MICAL3: variants seen among roughly 807,000 people sequenced by gnomAD.
MICAL3 encodes [F-actin]-monooxygenase MICAL3.
Under a neutral mutation model 207.4 loss-of-function variants are expected in MICAL3, and 62 were observed. That is an observed-to-expected ratio of 0.30 (90% CI 0.24 to 0.37). The LOEUF (loss-of-function observed/expected upper bound fraction) is 0.37, where lower values mean the gene tolerates loss of function less well. Ranked by LOEUF, MICAL3 falls within the 10% of genes least tolerant of loss-of-function variation. The pLI, the probability that MICAL3 is intolerant of heterozygous loss-of-function variation, is 1.00. For missense variants in MICAL3, 2,368 were observed against 2,635.6 expected, an observed-to-expected ratio of 0.90 and a Z score of 2.22; for synonymous variants, 1,077 against 1,069.3, an observed-to-expected ratio of 1.01 and a Z score of -0.14.
intron 1 of MICAL3, among the ~76,000 whole-genome samples, chr22:17,989,806 C>T (rs559586162): frequency 2.4e-4 from 37 of 152,316 alleles, no homozygotes; most frequent in African/African-American, 8.7e-4. Context: ...GGGCTGACAA[C>T]GCATATAAAG....
In MICAL3 at chr22:18,007,848, G is replaced by C. The variant is rs536768822; in HGVS notation, c.-75+16433C>G. 6.9e-5 allele frequency among the ~76,000 whole-genome samples: 10 copies of C among 145,752 alleles called. No individual in the cohort carries two copies. In the South Asian group the frequency reaches 2.0e-3, roughly 29 times the overall value. On this transcript the variant is annotated intron_variant, in intron 1 of 31. Coordinates refer to ENST00000441493, the MANE Select transcript of MICAL3 (RefSeq NM_015241.3). ...TGAGGCAGGAGAATGGCGTGAACCC[G>C]GGGGGTGGAGCTTGCAGTGAGCCGA...
intron 20 of MICAL3, among the ~76,000 whole-genome samples, chr22:17,833,425 C>A (rs182969631): frequency 1.3e-5 from 2 of 152,346 alleles, no homozygotes; most frequent in Admixed American, 1.3e-4. Flanking sequence ...TGACCTCCTG[C>A]GAGGGTGTGT....
chr22:17,980,796 G>A (rs1935872632), intron 1 of MICAL3: 5 of 482,978 alleles, frequency 1.0e-5, no homozygotes, highest in East Asian at 1.2e-4. Flanking sequence ...CCAGCTGCCC[G>A]TCTGCTCCTC....
intron 1 of MICAL3, among the ~76,000 whole-genome samples, chr22:17,987,799 G>A (rs1484057658): frequency 2.1e-5 from 3 of 140,758 alleles, no homozygotes; most frequent in Non-Finnish European, 3.2e-5. Context: ...TTTCAAATTG[G>A]TCTGAAAAAA....
intron 19 of MICAL3, chr22:17,862,215 C>CA: frequency 2.0e-6 from 2 of 985,234 alleles, no homozygotes; most frequent in Non-Finnish European, 2.4e-6. Context: ...CTGTTCTCTA[C>CA]AACATACATT....
chr22:17,897,814 TAGTA>T (rs1228767817), intron 7 of MICAL3, among the ~76,000 whole-genome samples: 8 of 152,138 alleles, frequency 5.3e-5, no homozygotes, highest in Non-Finnish European at 8.8e-5. Context: ...GTTTTCAAAA[TAGTA>T]AGTAAGACTT....
chr22:17,872,614 A>C, intron 16 of MICAL3: 2 of 646,474 alleles, frequency 3.1e-6, no homozygotes, highest in Non-Finnish European at 5.6e-6. Context: ...TGGTTATCAA[A>C]ACCCAGACAA....
rs111787050 is a variant in MICAL3, at chr22:17,922,214, G to A, written c.-74-15328C>T. ...GAATTAAGTCCAGGTCTGCCTACCC[G>A]TTTGTGTTTGGGTCTGGCTAGGTAG... On this transcript the variant is annotated intron_variant, in intron 1 of 31. Coordinates refer to ENST00000441493, the MANE Select transcript of MICAL3 (RefSeq NM_015241.3). 4.4e-4 allele frequency among the ~76,000 whole-genome samples: 67 copies of A among 150,808 alleles called. 1 individual carries two copies. Among genetic ancestry groups the A allele is most frequent in the African/African-American group, 1.6e-3 (67 of 41,106 alleles).
At chr22:18,000,709 C>T (rs1326738990) in intron 1 of MICAL3, among the ~76,000 whole-genome samples, 2 of 152,242 alleles carry the variant, frequency 1.3e-5, no homozygotes, top group African/African-American at 2.4e-5. Flanking sequence ...AGGGGCATCA[C>T]TGAGACTAGA....
In MICAL3 at chr22:17,888,609, G is replaced by GT. The variant is rs754258403; in HGVS notation, c.1891+424dup. ...ATGGGAACTGAGAAAAGAGTAGGAG[G>GT]TGGGAATCCTCCTCACTGGGGAACA... On this transcript the variant is annotated intron_variant, in intron 13 of 31. Coordinates refer to ENST00000441493, the MANE Select transcript of MICAL3 (RefSeq NM_015241.3). 7.5e-4 allele frequency among the ~76,000 whole-genome samples: 114 copies of GT among 152,284 alleles called. 1 individual carries two copies. The highest frequency in any genetic ancestry group is 1.8e-3 in the Admixed American group (27 of 15,296).
intron 1 of MICAL3, among the ~76,000 whole-genome samples, chr22:17,932,341 G>T (rs1439201151): frequency 6.6e-6 from 1 of 152,172 alleles, no homozygotes; most frequent in Non-Finnish European, 1.5e-5. Context: ...TTAAAGAAAA[G>T]AATTTTCAAC....
At chr22:17,908,141 T>C (rs546339399) in intron 1 of MICAL3, among the ~76,000 whole-genome samples, 1 of 151,840 alleles carries the variant, frequency 6.6e-6, no homozygotes, top group Non-Finnish European at 1.5e-5. Flanking sequence ...AACTAGTGAG[T>C]AGAGAGTGGG....
intron 3 of MICAL3, among the ~76,000 whole-genome samples, chr22:17,903,167 C>T (rs12484375): frequency 0.15 from 22,812 of 152,206 alleles, 2,113 homozygotes; most frequent in East Asian, 0.29. Context: ...ATGACCTCCC[C>T]GCCCACAGGC....
chr22:17,815,448 C>G (rs1193663694), intron 27 of MICAL3: 1 of 152,322 alleles, frequency 6.6e-6, no homozygotes, highest in Admixed American at 6.5e-5. Flanking sequence ...CCCCCTAAAG[C>G]AGCACCCATC....
chr22:17,950,337 G>GTTTTTTTTTTTTTT (rs764642603), intron 1 of MICAL3, among the ~76,000 whole-genome samples: 4 of 89,326 alleles, frequency 4.5e-5, no homozygotes, highest in Non-Finnish European at 9.2e-5. Flanking sequence ...TTTTGTTTTT[G>GTTTTTTTTTTTTTT]TTTTTTTTTT....
In MICAL3 at chr22:17,982,350, C is replaced by T. The variant is rs146624325; in HGVS notation, c.-75+41931G>A. On this transcript the variant is annotated intron_variant, in intron 1 of 31. Coordinates refer to ENST00000441493, the MANE Select transcript of MICAL3 (RefSeq NM_015241.3). ...ATCTTTTCAAAAACGGGGGAAAATG[C>T]CATTTTAAAAACTCAGCATACGCTG... Among the ~76,000 whole-genome samples the T allele has an allele frequency of 2.6e-5, 4 of 152,310 alleles. No individual in the cohort carries two copies. In the East Asian group the frequency reaches 7.7e-4, roughly 29 times the overall value.
At chr22:18,010,530 G>A (rs955596723) in intron 1 of MICAL3, among the ~76,000 whole-genome samples, 4 of 152,186 alleles carry the variant, frequency 2.6e-5, no homozygotes, top group Non-Finnish European at 5.9e-5. Flanking sequence ...AGAGAGCAGG[G>A]AACGTTCTAT....
chr22:17,910,106 C>T (rs1932015987), intron 1 of MICAL3, among the ~76,000 whole-genome samples: 1 of 152,206 alleles, frequency 6.6e-6, no homozygotes, highest in Non-Finnish European at 1.5e-5. Context: ...TAGCCACTTT[C>T]AACTCCTTGC....
chr22:17,870,277 C>T (rs1230916452), intron 17 of MICAL3, among the ~76,000 whole-genome samples: 1 of 152,170 alleles, frequency 6.6e-6, no homozygotes, highest in Non-Finnish European at 1.5e-5. Context: ...CCTTCTCTCT[C>T]AAAGTCTAGC....
Sources: allele counts gnomAD v4.1 joint callset (sites outside exome capture counted in the v4.1 genomes callset), GRCh38; gene constraint gnomAD v4.1.1; transcripts MANE v1.5; gene names NCBI Gene and HGNC (gene_info 2026-07-23, HGNC 2026-07-21).